ACYP2: variants seen among roughly 807,000 people sequenced by gnomAD.
ACYP2 encodes the protein acylphosphatase 2.
ACYP2 carries 12 observed loss-of-function variants against 11.2 expected under a neutral mutation model. That is an observed-to-expected ratio of 1.08 (90% CI 0.69 to 1.74). The LOEUF (loss-of-function observed/expected upper bound fraction) is 1.74. Ranked by LOEUF, ACYP2 falls within the 40% of genes most tolerant of loss-of-function variation. The pLI is 0.00. For missense variants in ACYP2, 134 were observed against 101.9 expected, an observed-to-expected ratio of 1.31 and a Z score of -1.35; for synonymous variants, 43 against 32.2, an observed-to-expected ratio of 1.33 and a Z score of -1.13.
At chr2:54,260,517 T>C (rs1687731053) in intron 6 of ACYP2, among the ~76,000 whole-genome samples, 1 of 152,094 alleles carries the variant, frequency 6.6e-6, no homozygotes, top group Non-Finnish European at 1.5e-5. Flanking sequence ...AAGAGAATAA[T>C]TATAATAATT....
chr2:54,221,937 C>A (rs1196564934), intron 6 of ACYP2, among the ~76,000 whole-genome samples: 1 of 152,128 alleles, frequency 6.6e-6, no homozygotes, highest in Non-Finnish European at 1.5e-5. Context: ...GACATAGGAA[C>A]CATGGCTGGC....
intron 4 of ACYP2, among the ~76,000 whole-genome samples, chr2:54,126,613 A>AAG (rs1680523407): frequency 6.6e-6 from 1 of 151,622 alleles, no homozygotes; most frequent in Non-Finnish European, 1.5e-5. Context: ...AAAAAAAAAA[A>AAG]AAAGCATAAA....
intron 4 of ACYP2, among the ~76,000 whole-genome samples, chr2:54,130,238 A>C (rs1680820755): frequency 6.6e-6 from 1 of 152,190 alleles, no homozygotes; most frequent in Non-Finnish European, 1.5e-5. Context: ...GGGATAAATA[A>C]TGGGAAGGAG....
intron 6 of ACYP2, among the ~76,000 whole-genome samples, chr2:54,199,312 A>C (rs529399123): frequency 6.6e-6 from 1 of 152,352 alleles, no homozygotes; most frequent in Admixed American, 6.5e-5. Context: ...GAGGAACCAC[A>C]GACACACATG....
chr2:54,132,223 A>C (rs762323817), intron 4 of ACYP2, among the ~76,000 whole-genome samples: 14 of 151,920 alleles, frequency 9.2e-5, no homozygotes, highest in Non-Finnish European at 1.5e-4. Flanking sequence ...CTCCTGTTTT[A>C]TCTCTCTCCT....
chr2:54,281,836 A>G (rs1235039623), intron 6 of ACYP2, among the ~76,000 whole-genome samples: 2 of 152,216 alleles, frequency 1.3e-5, no homozygotes, highest in Non-Finnish European at 2.9e-5. Context: ...TTTCCATTAC[A>G]CAAATTCAAT....
chr2:54,193,753 C>T (rs1334667319), intron 6 of ACYP2, among the ~76,000 whole-genome samples: 4 of 152,074 alleles, frequency 2.6e-5, no homozygotes, highest in African/African-American at 4.8e-5. Context: ...ATAGCACATG[C>T]TGGCAAAATG....
chr2:54,118,055 G>C (rs1189629494), intron 4 of ACYP2, among the ~76,000 whole-genome samples: 1 of 152,166 alleles, frequency 6.6e-6, no homozygotes, highest in East Asian at 1.9e-4. Context: ...ACTTCACTTA[G>C]GATAACAGGA....
intron 6 of ACYP2, among the ~76,000 whole-genome samples, chr2:54,161,305 A>C (rs764190906): frequency 6.6e-6 from 1 of 152,224 alleles, no homozygotes. Flanking sequence ...CAACTAAATC[A>C]TGATCTTGGG....
chr2:54,235,506 G>C (rs7607356), intron 6 of ACYP2, among the ~76,000 whole-genome samples: 37,602 of 151,820 alleles, frequency 0.25, 4,710 homozygotes, highest in East Asian at 0.37. Context: ...CCACCACCAT[G>C]CCTGGCTAAA....
At chr2:54,058,825 G>A (rs180825035) in intron 4 of ACYP2, among the ~76,000 whole-genome samples, 106 of 152,098 alleles carry the variant, frequency 7.0e-4, no homozygotes, top group African/African-American at 2.5e-3. Flanking sequence ...TCTGTGTGAG[G>A]GAGAAGTTTT....
intron 4 of ACYP2, among the ~76,000 whole-genome samples, chr2:54,067,314 C>T (rs921570328): frequency 1.3e-5 from 2 of 152,118 alleles, no homozygotes; most frequent in Non-Finnish European, 2.9e-5. Flanking sequence ...AGCTGTAAAG[C>T]ATTGTCATTG....
chr2:54,236,851 A>C (rs780387862), intron 6 of ACYP2, among the ~76,000 whole-genome samples: 1 of 152,312 alleles, frequency 6.6e-6, no homozygotes, highest in Admixed American at 6.5e-5. Flanking sequence ...TTACTAGGTG[A>C]ATTAAAATGT....
intron 2 of ACYP2, among the ~76,000 whole-genome samples, chr2:53,998,557 G>A (rs1672673107): frequency 2.0e-5 from 3 of 152,104 alleles, no homozygotes; most frequent in Admixed American, 6.6e-5. Context: ...GCTCATGCCT[G>A]TAATCCCAGC....
At position 54,164,686 on chromosome 2, in the gene ACYP2, C is replaced by T. The variant is rs2090183; in HGVS notation, c.404+25938C>T. Among the ~76,000 whole-genome samples the T allele has an allele frequency of 4.4e-3, 675 of 152,204 alleles. 3 individuals are homozygous for T. Among genetic ancestry groups the T allele is most frequent in the Admixed American group, 6.0e-3 (92 of 15,284 alleles). ...TTGAGGTGCCTCTTGTGGCAAACAG[C>T]GTTTTTTTGTTTTGTTATGTTTTTG... On this transcript the variant is annotated intron_variant, in intron 6 of 6. Coordinates refer to ENST00000607452, the MANE Select transcript of ACYP2 (RefSeq NM_001320586.2).
intron 6 of ACYP2, among the ~76,000 whole-genome samples, chr2:54,236,388 A>C (rs902694641): frequency 1.3e-5 from 2 of 152,204 alleles, no homozygotes; most frequent in African/African-American, 2.4e-5. Context: ...GCACCTCATA[A>C]ATTTTAAAGA....
At chr2:54,055,589 T>TA (rs1676099397) in intron 3 of ACYP2, among the ~76,000 whole-genome samples, 1 of 152,194 alleles carries the variant, frequency 6.6e-6, no homozygotes, top group Non-Finnish European at 1.5e-5. Context: ...TCAGAGAAGT[T>TA]AATCGAATTT....
rs150600017 is a variant in ACYP2, at chr2:54,239,768, G to T, written c.405-64920G>T. Among the ~76,000 whole-genome samples the T allele has an allele frequency of 3.6e-3, 554 of 152,100 alleles. 7 individuals are homozygous for T. The highest frequency in any genetic ancestry group is 0.013 in the African/African-American group (519 of 41,500). On this transcript the variant is annotated intron_variant, in intron 6 of 6. Transcript: ENST00000607452. The stretch of plus-strand genomic sequence containing the variant: ...TGGTGACCTAAGAAGGTGGTAAGGG[G>T]GACAAACTCTAAATAGAGGGCTCAG...
intron 3 of ACYP2, among the ~76,000 whole-genome samples, chr2:54,052,692 G>A (rs946252553): frequency 7.9e-5 from 12 of 152,180 alleles, no homozygotes; most frequent in Non-Finnish European, 1.5e-4. Flanking sequence ...TGCCACCAGA[G>A]GACTTCACTT....
Sources: allele counts gnomAD v4.1 joint callset (sites outside exome capture counted in the v4.1 genomes callset), GRCh38; gene constraint gnomAD v4.1.1; transcripts MANE v1.5; gene names NCBI Gene and HGNC (gene_info 2026-07-23, HGNC 2026-07-21).